CHRM5: variants seen among roughly 807,000 people sequenced by gnomAD.
CHRM5 encodes the protein cholinergic receptor muscarinic 5, also known as muscarinic acetylcholine receptor M5.
Under a neutral mutation model 39.0 loss-of-function variants are expected in CHRM5, and 18 were observed. That is an observed-to-expected ratio of 0.46 (90% confidence interval 0.32 to 0.68). The LOEUF is 0.68. CHRM5 is among the 30% of genes least tolerant of loss of function. The probability of loss-of-function intolerance (pLI) is 0.04; values close to 1 mark genes in which losing one functional copy is unlikely to be tolerated. For missense variants in CHRM5, 515 were observed against 651.1 expected (o/e 0.79, Z 2.28); for synonymous variants, 241 against 246.3 (o/e 0.98, Z 0.20).
At chr15:33,981,569 C>T (rs1896145832) in intron 1 of CHRM5, among the ~76,000 whole-genome samples, 1 of 152,034 alleles carries the variant, frequency 6.6e-6, no homozygotes, top group African/African-American at 2.4e-5. Context: ...ACCAAAAGGG[C>T]CTACTGCTGC....
chr15:34,030,476 G>T (rs1898731892), intron 1 of CHRM5, among the ~76,000 whole-genome samples: 1 of 152,016 alleles, frequency 6.6e-6, no homozygotes, highest in African/African-American at 2.4e-5. Context: ...CTCTCAAGTA[G>T]CTGGGACTAC....
chr15:34,043,522 A>G (rs767906158), intron 1 of CHRM5, among the ~76,000 whole-genome samples: 4 of 152,180 alleles, frequency 2.6e-5, no homozygotes, highest in Non-Finnish European at 4.4e-5. Context: ...AGCTCCATCT[A>G]CTACTGAGGG....
intron 1 of CHRM5, chr15:33,991,702 G>A (rs1468641234): frequency 6.6e-6 from 1 of 152,054 alleles, no homozygotes; most frequent in African/African-American, 2.4e-5. Flanking sequence ...TAAGAAAAAA[G>A]CTAAAGAAAC....
intron 1 of CHRM5, among the ~76,000 whole-genome samples, chr15:33,985,948 G>A (rs1315376874): frequency 1.3e-5 from 2 of 152,164 alleles, no homozygotes; most frequent in Non-Finnish European, 2.9e-5. Context: ...AAGCCCAGGT[G>A]CCTGATATCT....
chr15:34,021,869 A>T (rs751937964), intron 1 of CHRM5, among the ~76,000 whole-genome samples: 1 of 152,086 alleles, frequency 6.6e-6, no homozygotes, highest in Non-Finnish European at 1.5e-5. Flanking sequence ...AATAAAAATA[A>T]AATAAAATAA....
At chr15:34,055,214 C>T (rs1900088980) in intron 2 of CHRM5, among the ~76,000 whole-genome samples, 1 of 149,760 alleles carries the variant, frequency 6.7e-6, no homozygotes, top group Admixed American at 6.7e-5. Flanking sequence ...AGTAAATAAA[C>T]AAGGCCAGGC....
Position 34,020,257 on chromosome 15 carries a change from G to A in CHRM5, c.-407-26283G>A, listed in dbSNP as rs568912535. ...ACCAGGGAGGCGGAGCTTGCAGTTAGCTGAGATCACACCACTGCACTCTAG... is the reference window on the plus strand; with the variant it reads ...ACCAGGGAGGCGGAGCTTGCAGTTAACTGAGATCACACCACTGCACTCTAG... On this transcript the variant is annotated intron_variant, in intron 1 of 2. Transcript: ENST00000383263. 5.9e-5 allele frequency among the ~76,000 whole-genome samples: 9 copies of A among 151,906 alleles called. No individual in the cohort carries two copies. In the East Asian group the frequency reaches 1.7e-3, roughly 29 times the overall value.
chr15:33,992,093 A>C (rs1785688236), intron 1 of CHRM5: 1 of 152,390 alleles, frequency 6.6e-6, no homozygotes. Context: ...AAGGTTTTTA[A>C]AAAGAAAATC....
At chr15:34,024,426 C>A (rs1307802465) in intron 1 of CHRM5, among the ~76,000 whole-genome samples, 1 of 145,138 alleles carries the variant, frequency 6.9e-6, no homozygotes, top group Non-Finnish European at 1.5e-5. Context: ...AAGGCCAAGA[C>A]TGCACCACTG....
intron 1 of CHRM5, among the ~76,000 whole-genome samples, chr15:34,033,202 C>G (rs965442346): frequency 6.6e-6 from 1 of 152,066 alleles, no homozygotes; most frequent in African/African-American, 2.4e-5. Flanking sequence ...TGAAGTTTTA[C>G]CTTTATGTTT....
chr15:33,989,385 G>A (rs947284489), intron 1 of CHRM5, among the ~76,000 whole-genome samples: 10 of 150,840 alleles, frequency 6.6e-5, no homozygotes, highest in African/African-American at 1.7e-4. Context: ...CCACATGATC[G>A]TCACAACTAC....
At chr15:34,026,909 T>C (rs915188726) in intron 1 of CHRM5, among the ~76,000 whole-genome samples, 1 of 152,134 alleles carries the variant, frequency 6.6e-6, no homozygotes, top group African/African-American at 2.4e-5. Context: ...CTACGTATAA[T>C]AGAATTAAAG....
chr15:34,032,012 C>T (rs964294755), intron 1 of CHRM5, among the ~76,000 whole-genome samples: 11 of 110,454 alleles, frequency 1.0e-4, no homozygotes, highest in Admixed American at 2.8e-4. Flanking sequence ...CACACACATA[C>T]GCGCGCACAC....
At chr15:34,027,454 G>C (rs956076312) in intron 1 of CHRM5, among the ~76,000 whole-genome samples, 1 of 151,640 alleles carries the variant, frequency 6.6e-6, no homozygotes, top group Non-Finnish European at 1.5e-5. Flanking sequence ...GCTTGAACCC[G>C]GAAGGCAGAG....
intron 1 of CHRM5, among the ~76,000 whole-genome samples, chr15:34,000,674 T>A (rs180816787): frequency 3.9e-5 from 6 of 152,178 alleles, no homozygotes; most frequent in Non-Finnish European, 8.8e-5. Context: ...GAGAATGAAG[T>A]TGACCTCTCG....
intron 1 of CHRM5, among the ~76,000 whole-genome samples, chr15:34,023,620 T>TA (rs1439737606): frequency 1.3e-5 from 2 of 152,190 alleles, no homozygotes; most frequent in East Asian, 1.9e-4. Flanking sequence ...TGGAAGAAAA[T>TA]AAAAAAACTC....
At chr15:34,052,487 T>C (rs767287671) in intron 2 of CHRM5, among the ~76,000 whole-genome samples, 24 of 152,212 alleles carry the variant, frequency 1.6e-4, no homozygotes, top group Admixed American at 6.5e-4. Context: ...GTATTCAAAG[T>C]TCTGGCCAGG....
intron 2 of CHRM5, among the ~76,000 whole-genome samples, chr15:34,053,492 T>A (rs951694918): frequency 1.3e-4 from 19 of 151,556 alleles, no homozygotes; most frequent in African/African-American, 4.6e-4. Context: ...CGTAGGCCAA[T>A]GGAACAGAAT....
chr15:34,039,720 G>T (rs544906420), intron 1 of CHRM5, among the ~76,000 whole-genome samples: 8 of 152,298 alleles, frequency 5.3e-5, no homozygotes, highest in Admixed American at 3.3e-4. Flanking sequence ...CTGTAGAAAT[G>T]ACTACTACAG....
Sources: gnomAD v4.1 joint callset for allele counts (sites outside exome capture counted in the v4.1 genomes callset) on GRCh38, gnomAD v4.1.1 for gene constraint, MANE v1.5 for transcripts, NCBI Gene and HGNC (gene_info 2026-07-23, HGNC 2026-07-21) for gene names.